The following STAM variants were observed in gnomAD, a reference collection of about 807,000 sequenced individuals.
STAM encodes signal transducing adapter molecule 1.
STAM carries 16 observed loss-of-function variants against 63.4 expected under a neutral mutation model. That is an observed-to-expected ratio of 0.25 (90% confidence interval 0.17 to 0.38). STAM has a LOEUF of 0.38. STAM is among the 10% of genes least tolerant of loss of function. The pLI, the probability that STAM is intolerant of heterozygous loss-of-function variation, is 1.00. For synonymous variants in STAM, 238 were observed against 223.9 expected (o/e 1.06, Z -0.56); for missense variants, 636 against 657.1 (o/e 0.97, Z 0.35).
At position 17,715,140 on chromosome 10, in the gene STAM, T is replaced by C. The variant is rs1836759684; in HGVS notation, c.*360T>C. ...GATATGTAACTGCATTAGTGGCCAT[T>C]TTGAATCACAGTGGTGATCGTGTGA... On this transcript the variant is annotated 3_prime_UTR_variant, in exon 14 of 14. Transcript: ENST00000377524. 7.8e-6 allele frequency: 2 copies of C among 255,574 alleles called. No homozygotes were observed. Among genetic ancestry groups the C allele is most frequent in the Non-Finnish European group, 1.6e-5 (2 of 128,310 alleles). 15.8% of individuals were successfully genotyped at this position (255,574 alleles called of 1,614,324 possible). A position where few individuals can be genotyped will look rare whatever the true frequency, so the allele number is the denominator to read the frequency against.
At chr10:17,644,430 CTCTG>C (rs1833439997) in intron 1 of STAM, 51 bp downstream of exon 1, 2 of 1,609,196 alleles carry the variant, frequency 1.2e-6, no homozygotes, top group Non-Finnish European at 1.7e-6. Context: ...TGCACGCTCA[CTCTG>C]CCAGCCCCTG....
In STAM at chr10:17,714,621, T is replaced by A; in HGVS notation, c.1464T>A (p.Ala488=). Residue 488 remains alanine (A), a synonymous_variant, in exon 14 of 14, where the codon GCT becomes GCA. Transcript: ENST00000377524. Reference sequence around the variant, plus strand: ...ATAGTCCTCCTCCTGCCGCTACTGCTGCTGCTGCAACTGCCGATGTCACTC... The same window carrying A: ...ATAGTCCTCCTCCTGCCGCTACTGCAGCTGCTGCAACTGCCGATGTCACTC... ...PVYSPPPAAT[A]AAATADVTLY... The A allele has an allele frequency of 6.2e-7, 1 of 1,614,180 alleles. No homozygotes were observed. The highest frequency in any genetic ancestry group is 8.5e-7 in the Non-Finnish European group (1 of 1,180,016).
intron 2 of STAM, among the ~76,000 whole-genome samples, chr10:17,671,281 T>C (rs1554824059): frequency 6.6e-6 from 1 of 152,214 alleles, no homozygotes; most frequent in African/African-American, 2.4e-5. Context: ...GATGTAATGT[T>C]TAAATCACTC....
chr10:17,680,817 T>C (rs58458791), intron 2 of STAM, among the ~76,000 whole-genome samples: 2,349 of 152,336 alleles, frequency 0.015, 52 homozygotes, highest in African/African-American at 0.054. Context: ...ATCCCTGTTA[T>C]AGCGTATTCC....
At chr10:17,688,300 G>A (rs1240516622) in intron 5 of STAM, 127 bp downstream of exon 5, 2 of 903,174 alleles carry the variant, frequency 2.2e-6, no homozygotes, top group East Asian at 2.8e-5. Context: ...TTAGCTAATT[G>A]TGTTAGTAAC....
chr10:17,691,966 C>T (rs898719190), intron 5 of STAM, among the ~76,000 whole-genome samples: 4 of 152,170 alleles, frequency 2.6e-5, no homozygotes, highest in East Asian at 1.9e-4. Context: ...CCTCTACATA[C>T]GTTATAAGCC....
At chr10:17,702,882 C>T (rs782721519) in intron 9 of STAM, among the ~76,000 whole-genome samples, 47 of 151,834 alleles carry the variant, frequency 3.1e-4, no homozygotes, top group Middle Eastern at 3.4e-3. Context: ...GTGGTGTGCG[C>T]TTGTAATCCT....
intron 4 of STAM, 57 bp from the exon 5 acceptor site, chr10:17,687,970 G>A (rs1835362718): frequency 7.0e-7 from 1 of 1,419,112 alleles, no homozygotes; most frequent in African/African-American, 1.4e-5. Context: ...TAAAATGTCT[G>A]TATTAAATCA....
Position 17,684,659 on chromosome 10 carries a change from T to C in STAM, c.126-16T>C. 1 of 1,607,954 alleles carries C rather than the reference T, an allele frequency of 6.2e-7. No individual in the cohort carries two copies. Among genetic ancestry groups the C allele is most frequent in the Middle Eastern group, 1.7e-4 (1 of 6,016 alleles). On this transcript the variant is annotated splice_polypyrimidine_tract_variant and intron_variant, in intron 2 of 13. Transcript: ENST00000377524. ...GATGTATTATTAAGTAATTTTTACT[T>C]TTCTCATTTTTTTAGACCTAAGGAT...
At chr10:17,669,884 CTTTTTTT>C (rs76381388) in intron 2 of STAM, among the ~76,000 whole-genome samples, 33 of 120,758 alleles carry the variant, frequency 2.7e-4, no homozygotes, top group Non-Finnish European at 4.7e-4. Context: ...CTTTTCTTTT[CTTTTTTT>C]TTTTTTTTTT....
At position 17,709,764 on chromosome 10, in the gene STAM, C is replaced by G. The variant is rs1836470733; in HGVS notation, c.1385+813C>G. Among the ~76,000 whole-genome samples the G allele has an allele frequency of 2.0e-5, 3 of 151,206 alleles. No individual in the cohort carries two copies. The East Asian group carries it at 5.9e-4, about 30-fold the overall frequency. On this transcript the variant is annotated intron_variant, in intron 13 of 13. Transcript: ENST00000377524. ...ATTGCCCAGGAATGCTCCTGCACTG[C>G]CCTCTCTTGCACTACTCATCCTCAA...
intron 9 of STAM, among the ~76,000 whole-genome samples, chr10:17,703,299 C>CA (rs1425272453): frequency 6.8e-6 from 1 of 147,362 alleles, no homozygotes. Flanking sequence ...GTATCCATTT[C>CA]AAAAAAACAG....
chr10:17,701,675 T>C (rs1054398534), intron 9 of STAM, among the ~76,000 whole-genome samples: 1 of 152,250 alleles, frequency 6.6e-6, no homozygotes, highest in African/African-American at 2.4e-5. Flanking sequence ...CATTCTTTCC[T>C]AAAATTGATC....
rs544117337 is a variant in STAM, at chr10:17,660,474, C to T, written c.51C>T (p.Thr17=). The change falls in exon 2 of 14, where the codon ACC becomes ACT. Residue 17 remains threonine, a synonymous_variant. Coordinates refer to ENST00000377524, the MANE Select transcript of STAM (RefSeq NM_003473.4). The part of the protein sequence containing the change: ...NPFDQDVEKA[T]SEMNTAEDWG... ...CTTTACAATCTACAGAGAAAGCAAC[C>T]AGCGAGATGAATACTGCTGAGGACT... The T allele has an allele frequency of 2.7e-5, 43 of 1,591,254 alleles. No homozygotes were observed. Among genetic ancestry groups the T allele is most frequent in the Middle Eastern group, 1.7e-4 (1 of 6,004 alleles).
chr10:17,654,069 G>GAGCTGT (rs1833844120), intron 1 of STAM, among the ~76,000 whole-genome samples: 1 of 152,172 alleles, frequency 6.6e-6, no homozygotes, highest in Admixed American at 6.5e-5. Flanking sequence ...GTCTTATGGA[G>GAGCTGT]AGCTGTGTCT....
At chr10:17,712,555 A>G (rs192483091) in intron 13 of STAM, among the ~76,000 whole-genome samples, 1 of 152,370 alleles carries the variant, frequency 6.6e-6, no homozygotes, top group East Asian at 1.9e-4. Context: ...TCCCAACAAT[A>G]GATTTATAAA....
chr10:17,698,084 C>T (rs1449586393), intron 8 of STAM, among the ~76,000 whole-genome samples: 1 of 152,106 alleles, frequency 6.6e-6, no homozygotes. Context: ...CAAGAGAAGG[C>T]TTGAACAGCA....
chr10:17,668,571 C>A (rs1053955509), intron 2 of STAM, among the ~76,000 whole-genome samples: 4 of 152,152 alleles, frequency 2.6e-5, no homozygotes, highest in Non-Finnish European at 4.4e-5. Flanking sequence ...CAGTACCATG[C>A]TGAATAGTTT....
At chr10:17,653,674 A>T (rs1833828988) in intron 1 of STAM, among the ~76,000 whole-genome samples, 2 of 152,268 alleles carry the variant, frequency 1.3e-5, no homozygotes, top group Non-Finnish European at 2.9e-5. Context: ...CCTATACAGT[A>T]TAGTTATTTA....
Sources: allele counts gnomAD v4.1 joint callset (sites outside exome capture counted in the v4.1 genomes callset), GRCh38; gene constraint gnomAD v4.1.1; transcripts MANE v1.5; gene names NCBI Gene and HGNC (gene_info 2026-07-23, HGNC 2026-07-21).